Variants in KCNMA1 observed in about 807,000 individuals in gnomAD.
The protein encoded by KCNMA1 is potassium calcium-activated channel subfamily M alpha 1, also known as Calcium-activated potassium channel subunit alpha-1.
Under a neutral mutation model 140.0 loss-of-function variants are expected in KCNMA1, and 29 were observed. The observed-to-expected ratio is 0.21, with a 90% CI of 0.15 to 0.28. The LOEUF (loss-of-function observed/expected upper bound fraction) is 0.28. Among genes scored for constraint, KCNMA1 ranks in the 10% least tolerant of loss-of-function variants. The pLI is 1.00. For synonymous variants in KCNMA1, 612 were observed against 611.9 expected (o/e 1.00, Z 0.00); for missense variants, 880 against 1,602.2 (o/e 0.55, Z 7.70).
At chr10:77,291,952 T>G (rs1027387420) in intron 2 of KCNMA1, among the ~76,000 whole-genome samples, 13 of 152,204 alleles carry the variant, frequency 8.5e-5, no homozygotes, top group African/African-American at 3.1e-4. Context: ...AACATCTTGA[T>G]GCCAGGAGTA....
chr10:77,327,440 G>A (rs1423237117), intron 2 of KCNMA1, among the ~76,000 whole-genome samples: 2 of 152,044 alleles, frequency 1.3e-5, no homozygotes, highest in Non-Finnish European at 2.9e-5. Context: ...TGCAACCTCT[G>A]CCTCCTGGGT....
intron 2 of KCNMA1, chr10:77,373,096 C>G (rs542456089): frequency 1.3e-5 from 2 of 152,330 alleles, no homozygotes; most frequent in African/African-American, 4.8e-5. Flanking sequence ...TTAATTGACT[C>G]CCGTGTAGGA....
chr10:76,955,249 T>C (rs1487273561), intron 20 of KCNMA1, among the ~76,000 whole-genome samples: 1 of 151,718 alleles, frequency 6.6e-6, no homozygotes, highest in Non-Finnish European at 1.5e-5. Context: ...GACTTTTATT[T>C]ACTTTTTACT....
At chr10:77,193,155 T>C (rs895095420) in intron 3 of KCNMA1, among the ~76,000 whole-genome samples, 14 of 152,170 alleles carry the variant, frequency 9.2e-5, no homozygotes, top group Non-Finnish European at 1.8e-4. Context: ...ATATCTCTTG[T>C]AAGTTTTCTT....
intron 9 of KCNMA1, among the ~76,000 whole-genome samples, chr10:77,092,365 T>G (rs1230671941): frequency 6.6e-6 from 1 of 152,216 alleles, no homozygotes; most frequent in Non-Finnish European, 1.5e-5. Context: ...GACTTTGAAT[T>G]TGCCAAATAT....
chr10:77,062,964 G>A (rs1054371442), intron 14 of KCNMA1, among the ~76,000 whole-genome samples: 4 of 152,168 alleles, frequency 2.6e-5, no homozygotes, highest in African/African-American at 7.2e-5. Flanking sequence ...GTCATCTTCC[G>A]ATTTCCTCCT....
intron 2 of KCNMA1, among the ~76,000 whole-genome samples, chr10:77,332,138 G>A (rs1451229022): frequency 6.6e-6 from 1 of 152,146 alleles, no homozygotes; most frequent in Non-Finnish European, 1.5e-5. Context: ...ACGATAGGCT[G>A]AGTACGCAGG....
intron 1 of KCNMA1, among the ~76,000 whole-genome samples, chr10:77,594,599 T>G (rs1220575193): frequency 6.6e-6 from 1 of 152,192 alleles, no homozygotes; most frequent in East Asian, 1.9e-4. Flanking sequence ...CTCATAGGGT[T>G]GTCAGTGCTA....
intron 1 of KCNMA1, among the ~76,000 whole-genome samples, chr10:77,457,162 G>A (rs923853819): frequency 3.9e-5 from 6 of 152,206 alleles, no homozygotes; most frequent in South Asian, 4.2e-4. Flanking sequence ...CTCTTGGGCC[G>A]CCCTGCTAGT....
intron 1 of KCNMA1, among the ~76,000 whole-genome samples, chr10:77,573,784 T>A (rs944044170): frequency 3.3e-5 from 5 of 151,368 alleles, no homozygotes; most frequent in Non-Finnish European, 1.5e-5. Flanking sequence ...CCTTCCAGAC[T>A]CACCCTGTAT....
At chr10:77,494,668 G>C (rs2041219832) in intron 1 of KCNMA1, among the ~76,000 whole-genome samples, 1 of 152,220 alleles carries the variant, frequency 6.6e-6, no homozygotes, top group South Asian at 2.1e-4. Flanking sequence ...AGAGAGTGAA[G>C]AAATGGGATC....
chr10:76,933,698 T>C (rs922075428), intron 23 of KCNMA1, among the ~76,000 whole-genome samples: 2 of 152,106 alleles, frequency 1.3e-5, no homozygotes, highest in Non-Finnish European at 2.9e-5. Context: ...TCATAACACA[T>C]TGTGTGGCAG....
chr10:76,870,867 T>G (rs987828569), exon 28 of KCNMA1: 1 of 152,230 alleles, frequency 6.6e-6, no homozygotes, highest in African/African-American at 2.4e-5. Context: ...GCCCTTCGAG[T>G]GAGTCTTTTG....
chr10:77,413,319 A>T (rs1027110411), intron 1 of KCNMA1, among the ~76,000 whole-genome samples: 3 of 151,996 alleles, frequency 2.0e-5, no homozygotes, highest in African/African-American at 7.3e-5. Context: ...CCTTCGCCTC[A>T]GGTTTTCACC....
chr10:77,522,163 G>A (rs1300067744), intron 1 of KCNMA1, among the ~76,000 whole-genome samples: 2 of 126,336 alleles, frequency 1.6e-5, no homozygotes, highest in East Asian at 2.6e-4. Flanking sequence ...GGGTGACAGA[G>A]CAAGACTCCA....
chr10:76,886,032 G>A lies in KCNMA1; in HGVS notation c.*1234C>T. 1 of 985,432 alleles carries A rather than the reference G, an allele frequency of 1.0e-6. No homozygotes were observed. The highest frequency in any genetic ancestry group is 1.2e-6 in the Non-Finnish European group (1 of 829,946). 61.0% of individuals were successfully genotyped at this position (985,432 alleles called of 1,614,324 possible). The stretch of plus-strand genomic sequence containing the variant: ...CCCACCAGCTTTCTGCATTGGGACA[G>A]CCAGCACCGCACAGCTGTGCCAACA... On this transcript the variant is annotated 3_prime_UTR_variant, in exon 28 of 28. Coordinates refer to ENST00000286628, the MANE Select transcript of KCNMA1 (RefSeq NM_001161352.2).
chr10:77,080,280 C>A (rs1350605830), intron 12 of KCNMA1, among the ~76,000 whole-genome samples: 1 of 152,226 alleles, frequency 6.6e-6, no homozygotes, highest in Non-Finnish European at 1.5e-5. Context: ...AATACGACAG[C>A]CTGCCCAGAG....
intron 1 of KCNMA1, among the ~76,000 whole-genome samples, chr10:77,535,248 T>G (rs1230261036): frequency 6.6e-6 from 1 of 152,224 alleles, no homozygotes; most frequent in Non-Finnish European, 1.5e-5. Context: ...GTCCCACCAT[T>G]GACTCCTGTT....
intron 23 of KCNMA1, among the ~76,000 whole-genome samples, chr10:76,923,386 A>C (rs1290608453): frequency 1.3e-5 from 2 of 150,500 alleles, no homozygotes; most frequent in East Asian, 2.0e-4. Context: ...CTGAGATTGC[A>C]CCACTGCACT....
Sources: gnomAD v4.1 joint callset for allele counts (sites outside exome capture counted in the v4.1 genomes callset) on GRCh38, gnomAD v4.1.1 for gene constraint, MANE v1.5 for transcripts, NCBI Gene and HGNC (gene_info 2026-07-23, HGNC 2026-07-21) for gene names.